Variants in ETFBKMT observed in about 807,000 individuals in gnomAD.
ETFBKMT encodes the protein electron transfer flavoprotein subunit beta lysine methyltransferase.
In ETFBKMT, 13 loss-of-function variants were observed where a neutral mutation model predicts 18.3. That is an observed-to-expected ratio of 0.71 (90% confidence interval 0.46 to 1.13). The LOEUF (loss-of-function observed/expected upper bound fraction) is 1.13, where lower values mean the gene tolerates loss of function less well. Ranked by LOEUF, ETFBKMT falls within the 50% of genes most tolerant of loss-of-function variation. The pLI is 0.00. For synonymous variants in ETFBKMT, 84 were observed against 107.9 expected (o/e 0.78, Z 1.37); for missense variants, 293 against 306.2 (o/e 0.96, Z 0.32).
Position 31,668,246 on chromosome 12 carries a change from A to G in ETFBKMT, c.*256A>G. On this transcript the variant is annotated 3_prime_UTR_variant, in exon 4 of 4. Coordinates refer to ENST00000357721, the MANE Select transcript of ETFBKMT (RefSeq NM_001135863.2). ...AACCGCTGAAGGAATATGATTATAC[A>G]ATGCCATACTCAATGGTGGCAGCAT... 2.6e-6 allele frequency: 1 copy of G among 378,794 alleles called. No homozygotes were observed. Among genetic ancestry groups the G allele is most frequent in the Non-Finnish European group, 4.7e-6 (1 of 211,856 alleles). The allele number at this position is 378,794 out of a possible 1,614,324, so 23.5% of individuals were successfully genotyped here. A position where few individuals can be genotyped will look rare whatever the true frequency, so the allele number is the denominator to read the frequency against.
At chr12:31,661,793 G>C (rs948455594) in intron 1 of ETFBKMT, 48 bp from the exon 2 acceptor site, 16 of 680,894 alleles carry the variant, frequency 2.3e-5, no homozygotes, top group African/African-American at 5.4e-5. Context: ...ATCTAGAAAT[G>C]TTGCTCTTCC....
At chr12:31,650,431 G>C (rs1469177507) in intron 1 of ETFBKMT, among the ~76,000 whole-genome samples, 1 of 152,068 alleles carries the variant, frequency 6.6e-6, no homozygotes, top group East Asian at 1.9e-4. Context: ...TGGGCAACAA[G>C]CAACCCTTGG....
At position 31,669,393 on chromosome 12, in the gene ETFBKMT, T is replaced by C. The variant is rs1463493475; in HGVS notation, c.*1403T>C. 2 of 152,294 alleles carry C rather than the reference T, an allele frequency of 1.3e-5. No homozygotes were observed. Among genetic ancestry groups the C allele is most frequent in the Non-Finnish European group, 1.5e-5 (1 of 68,072 alleles). The allele number at this position is 152,294 out of a possible 1,614,324, so 9.4% of individuals were successfully genotyped here. A position where few individuals can be genotyped will look rare whatever the true frequency, so the allele number is the denominator to read the frequency against. On this transcript the variant is annotated 3_prime_UTR_variant, in exon 4 of 4. Transcript: ENST00000357721. ...CCTTCACAAGTGCTTTCAGCTTTTC[T>C]TTTGTCACTTTGGTGAGACAGGAAG...
At chr12:31,650,626 C>CATTTTTTTTTTTT (rs543201341) in intron 1 of ETFBKMT, among the ~76,000 whole-genome samples, 1 of 140,640 alleles carries the variant, frequency 7.1e-6, no homozygotes, top group African/African-American at 2.7e-5. Context: ...AATGACCTGA[C>CATTTTTTTTTTTT]CTTTTTTTTT....
rs1447575409 is a variant in ETFBKMT, at chr12:31,672,963, T to G, written c.*4973T>G. ...CATGATTTTAAATAGATAACCATTA[T>G]ATAAATACACTGTAATTTAACCAAT... is the stretch of plus-strand genomic sequence containing the variant. On this transcript the variant is annotated 3_prime_UTR_variant, in exon 4 of 4. Transcript: ENST00000357721. 1 of 152,446 alleles carries G rather than the reference T, an allele frequency of 6.6e-6. No homozygotes were observed. Among genetic ancestry groups the G allele is most frequent in the African/African-American group, 2.4e-5 (1 of 41,450 alleles). 9.4% of individuals were successfully genotyped at this position (152,446 alleles called of 1,614,324 possible). A position where few individuals can be genotyped will look rare whatever the true frequency, so the allele number is the denominator to read the frequency against.
intron 1 of ETFBKMT, among the ~76,000 whole-genome samples, chr12:31,649,597 T>A (rs926125802): frequency 4.6e-5 from 7 of 152,130 alleles, no homozygotes; most frequent in Non-Finnish European, 1.0e-4. Context: ...ATTTTTTTCA[T>A]TAATATTAAA....
intron 1 of ETFBKMT, among the ~76,000 whole-genome samples, chr12:31,648,358 T>C (rs978734771): frequency 1.1e-4 from 14 of 130,674 alleles, no homozygotes; most frequent in African/African-American, 3.8e-4. Flanking sequence ...ATGATGTAAA[T>C]AGTTTTTTTT....
Position 31,672,579 on chromosome 12 carries a change from C to A in ETFBKMT, c.*4589C>A. 1 of 445,146 alleles carries A rather than the reference C, an allele frequency of 2.2e-6. No homozygotes were observed. The highest frequency in any genetic ancestry group is 4.0e-6 in the Non-Finnish European group (1 of 248,240). The allele number at this position is 445,146 out of a possible 1,614,324, so 27.6% of individuals were successfully genotyped here. On this transcript the variant is annotated 3_prime_UTR_variant, in exon 4 of 4. Transcript: ENST00000357721. ...CTATTATTAGGTGTAGTGCACCTAT[C>A]ATGGTATTACTTGTTTAAAAAAAAA...
chr12:31,651,391 C>G (rs1347149229), intron 1 of ETFBKMT, among the ~76,000 whole-genome samples: 2 of 151,062 alleles, frequency 1.3e-5, no homozygotes, highest in South Asian at 2.1e-4. Context: ...CTCACTGCAA[C>G]CTCCACCTCC....
rs141400440 is a variant in ETFBKMT, at chr12:31,653,015, C to T, written c.-114+5760C>T. 6.7e-3 allele frequency among the ~76,000 whole-genome samples: 1,025 copies of T among 152,330 alleles called. 17 individuals carry two copies. Among genetic ancestry groups the T allele is most frequent in the African/African-American group, 0.023 (968 of 41,568 alleles). On this transcript the variant is annotated intron_variant, in intron 1 of 3. Transcript: ENST00000412352. ...CCTGAGCTCAGGAGTTCGGAACCAG[C>T]CTGGGCAACACGGTGAAATCTCGTC... is the stretch of plus-strand genomic sequence containing the variant.
chr12:31,668,256 T>C lies in ETFBKMT; in HGVS notation c.*266T>C, dbSNP rs1189076399. On this transcript the variant is annotated 3_prime_UTR_variant, in exon 4 of 4. Coordinates refer to ENST00000357721, the MANE Select transcript of ETFBKMT (RefSeq NM_001135863.2). ...GGAATATGATTATACAATGCCATAC[T>C]CAATGGTGGCAGCATTTAATTTAAG... 2.9e-6 allele frequency: 1 copy of C among 339,268 alleles called. No individual in the cohort carries two copies. Among genetic ancestry groups the C allele is most frequent in the Non-Finnish European group, 5.3e-6 (1 of 188,020 alleles). 21.0% of individuals were successfully genotyped at this position (339,268 alleles called of 1,614,324 possible).
chr12:31,648,831 G>C (rs1233690185), intron 1 of ETFBKMT, among the ~76,000 whole-genome samples: 3 of 151,990 alleles, frequency 2.0e-5, no homozygotes, highest in African/African-American at 7.3e-5. Context: ...AAAGTGCTGG[G>C]ATTACAGGCG....
chr12:31,649,000 C>T (rs930465305), intron 1 of ETFBKMT, among the ~76,000 whole-genome samples: 6 of 147,758 alleles, frequency 4.1e-5, no homozygotes, highest in Non-Finnish European at 7.5e-5. Context: ...TTTTTGGAGA[C>T]GGAGTCTCGC....
chr12:31,654,234 G>C (rs1424763658), upstream of ETFBKMT, among the ~76,000 whole-genome samples: 1 of 152,146 alleles, frequency 6.6e-6, no homozygotes, highest in Non-Finnish European at 1.5e-5. Context: ...ATTTTTAGTA[G>C]AGACACGGTT....
upstream of ETFBKMT, chr12:31,659,457 G>C (rs946280372): frequency 2.6e-5 from 4 of 152,372 alleles, no homozygotes; most frequent in African/African-American, 9.6e-5. Context: ...GTTGTGGAAC[G>C]TAACTCTTTT....
At position 31,665,826 on chromosome 12, in the gene ETFBKMT, C is replaced by A. The variant is rs927773022; in HGVS notation, c.315-261C>A. Among the ~76,000 whole-genome samples the A allele has an allele frequency of 7.3e-5, 11 of 151,702 alleles. 1 individual carries two copies. The highest frequency in any genetic ancestry group is 1.9e-4 in the East Asian group (1 of 5,180). The stretch of plus-strand genomic sequence containing the variant: ...AGGAGCATGTCCTTAAGGCACAGAT[C>A]GCCCATGCTATTGTTTGTGGTTTAA... On this transcript the variant is annotated intron_variant, in intron 2 of 3. Transcript: ENST00000357721.
At chr12:31,667,287 G>A (rs964684452) in intron 3 of ETFBKMT, among the ~76,000 whole-genome samples, 1 of 152,178 alleles carries the variant, frequency 6.6e-6, no homozygotes, top group Admixed American at 6.5e-5. Flanking sequence ...GAGCCACTGC[G>A]CCCAGCCAAG....
At chr12:31,663,916 T>G (rs1951162130) in intron 2 of ETFBKMT, among the ~76,000 whole-genome samples, 1 of 152,112 alleles carries the variant, frequency 6.6e-6, no homozygotes. Context: ...TCTTTACTTT[T>G]AGTTCTTGTA....
chr12:31,657,791 C>CAAA (rs777612236), upstream of ETFBKMT, among the ~76,000 whole-genome samples: 58 of 45,950 alleles, frequency 1.3e-3, no homozygotes, highest in East Asian at 2.4e-3. Flanking sequence ...GACTTCATCT[C>CAAA]AAAAAAAAAA....
Sources: gnomAD v4.1 joint callset for allele counts (sites outside exome capture counted in the v4.1 genomes callset) on GRCh38, gnomAD v4.1.1 for gene constraint, MANE v1.5 for transcripts, NCBI Gene and HGNC (gene_info 2026-07-23, HGNC 2026-07-21) for gene names.